DDB1: variants seen among roughly 807,000 people sequenced by gnomAD.
DDB1 encodes DNA damage-binding protein 1.
DDB1 carries 18 observed loss-of-function variants against 133.1 expected under a neutral mutation model. That is an observed-to-expected ratio of 0.14 (90% CI 0.09 to 0.20). The LOEUF is 0.20. DDB1 is among the 10% of genes least tolerant of loss of function. The pLI, the probability that DDB1 is intolerant of heterozygous loss-of-function variation, is 1.00. For missense variants in DDB1, 828 were observed against 1,459.2 expected (o/e 0.57, Z 7.05); for synonymous variants, 580 against 550.5 (o/e 1.05, Z -0.75).
intron 4 of DDB1, 135 bp downstream of exon 4, chr11:61,329,228 G>T: frequency 1.2e-6 from 1 of 813,850 alleles, no homozygotes; most frequent in Non-Finnish European, 2.1e-6. Context: ...TATTAATTGT[G>T]TTGTTCAAAA....
chr11:61,331,163 A>G (rs1274615690), intron 2 of DDB1, among the ~76,000 whole-genome samples: 3 of 152,198 alleles, frequency 2.0e-5, no homozygotes, highest in Admixed American at 1.3e-4. Flanking sequence ...TCCCTTCTAA[A>G]GAAGTCAACT....
At chr11:61,329,727 A>G (rs1193690522) in intron 3 of DDB1, 143 bp from the exon 4 acceptor site, 6 of 789,186 alleles carry the variant, frequency 7.6e-6, no homozygotes, top group Non-Finnish European at 1.2e-5. Flanking sequence ...TTGGAGCCCC[A>G]ATGTCAGTGC....
intron 21 of DDB1, among the ~76,000 whole-genome samples, chr11:61,304,304 G>A (rs143761717): frequency 2.6e-5 from 4 of 152,180 alleles, no homozygotes; most frequent in African/African-American, 9.6e-5. Flanking sequence ...AAAGGAAACA[G>A]TAATGTGGGT....
At chr11:61,331,517 C>A in intron 2 of DDB1, 26 bp downstream of exon 2, 1 of 1,607,560 alleles carries the variant, frequency 6.2e-7, no homozygotes, top group African/African-American at 1.3e-5. Context: ...TCCCCCTCCA[C>A]TGCTTGTCCC....
chr11:61,330,606 T>A (rs977910382), intron 2 of DDB1, among the ~76,000 whole-genome samples: 1 of 152,196 alleles, frequency 6.6e-6, no homozygotes. Context: ...GGTGGTGATT[T>A]GGATGAAAAC....
Position 61,300,086 on chromosome 11 carries a change from G to T in DDB1, c.*50C>A. The T allele has an allele frequency of 6.3e-7, 1 of 1,586,058 alleles. No individual in the cohort carries two copies. ...GATGGTGGAGAGGAGGGGGAGGGCAGCAGGGCAAAGCCTTTGGGGAGGGTC... is the reference window on the plus strand; with the variant it reads ...GATGGTGGAGAGGAGGGGGAGGGCATCAGGGCAAAGCCTTTGGGGAGGGTC... On this transcript the variant is annotated 3_prime_UTR_variant, in exon 27 of 27. Transcript: ENST00000301764.
chr11:61,323,142 G>C, intron 7 of DDB1, 48 bp from the exon 8 acceptor site: 1 of 1,484,922 alleles, frequency 6.7e-7, no homozygotes, highest in Non-Finnish European at 9.4e-7. Context: ...GACCCTACGT[G>C]GGATCCAGAT....
intron 5 of DDB1, chr11:61,326,092 G>C (rs1856265351): frequency 3.3e-6 from 1 of 301,430 alleles, no homozygotes; most frequent in Non-Finnish European, 6.4e-6. Context: ...CCCATTATCA[G>C]GGCTACCACT....
chr11:61,313,500 T>C lies in DDB1; in HGVS notation c.2068A>G (p.Ser690Gly). ...CPLNSDGYPDSLALANNSTLT... is the reference protein window; with the variant it reads ...CPLNSDGYPDGLALANNSTLT... ...TTAAATAAGGAAAAAGAGACTCACC[T>C]GTCAGGATAGCCATCTGAATTGAGG... Residue 690 changes from serine (S) to glycine (G), a missense_variant and splice_region_variant, in exon 16 of 27, where the codon AGC becomes GGC. Transcript: ENST00000301764. 2 of 1,613,776 alleles carry C rather than the reference T, an allele frequency of 1.2e-6. No homozygotes were observed. The highest frequency in any genetic ancestry group is 1.7e-6 in the Non-Finnish European group (2 of 1,179,712).
At chr11:61,331,848 G>A in intron 1 of DDB1, 157 bp from the exon 2 acceptor site, 1 of 963,268 alleles carries the variant, frequency 1.0e-6, no homozygotes. Flanking sequence ...GCCAAATCCG[G>A]CACCTCAAAG....
rs190815065 is a variant in DDB1 at position 61,309,223 on chromosome 11, G to A, written c.2567-146C>T. On this transcript the variant is annotated intron_variant, in intron 20 of 26. Transcript: ENST00000301764. ...CAACACAGACTCAGTATCTACTGGA[G>A]TTAATGACCACGTGAAGTATGAGCC... 3.8e-5 allele frequency: 27 copies of A among 703,454 alleles called. No homozygotes were observed. The Admixed American group carries it at 5.4e-4, about 14-fold the overall frequency. 43.6% of individuals were successfully genotyped at this position (703,454 alleles called of 1,614,324 possible).
chr11:61,314,505 A>G lies in DDB1; in HGVS notation c.1411-19T>C, dbSNP rs775100079. ...AAGTGATCTAGATAAACAGCAGATG[A>G]ACAAATGTCTCCAAGCATCTGCCAG... is the stretch of plus-strand genomic sequence containing the variant. On this transcript the variant is annotated intron_variant, in intron 12 of 26. Coordinates refer to ENST00000301764, the MANE Select transcript of DDB1 (RefSeq NM_001923.5). 3.1e-6 allele frequency: 5 copies of G among 1,597,588 alleles called. No homozygotes were observed. Among genetic ancestry groups the G allele is most frequent in the Non-Finnish European group, 4.3e-6 (5 of 1,171,954 alleles).
intron 21 of DDB1, among the ~76,000 whole-genome samples, chr11:61,307,953 G>A (rs575448369): frequency 6.6e-6 from 1 of 151,972 alleles, no homozygotes; most frequent in Non-Finnish European, 1.5e-5. Context: ...AGCAACCACC[G>A]AATGCATCCA....
At chr11:61,304,149 C>T in intron 21 of DDB1, 114 bp from the exon 22 acceptor site, 1 of 1,175,446 alleles carries the variant, frequency 8.5e-7, no homozygotes, top group Non-Finnish European at 1.2e-6. Context: ...CAATGCGGGA[C>T]AGGAAACGGT....
Position 61,300,832 on chromosome 11 carries a change from G to T in DDB1, c.3316C>A (p.Gln1106Lys). ...SFLDISRPKMQEVVANLQYDD... is the reference protein window; with the variant it reads ...SFLDISRPKMKEVVANLQYDD... ...ACCTGTAGGTTTGCCACCACCTCCT[G>T]CATCTTGGGGCGGCTAATATCCAGG... Residue 1106 changes from glutamine (Q) to lysine (K), a missense_variant, in exon 26 of 27, where the codon CAG becomes AAG. By Grantham distance (53) the Gln-to-Lys change is moderately conservative. This residue lies in a region of DDB1 where 116 missense variants were observed against 221.6 expected (regional missense o/e 0.52). Coordinates refer to ENST00000301764, the MANE Select transcript of DDB1 (RefSeq NM_001923.5). The T allele has an allele frequency of 6.2e-7, 1 of 1,614,210 alleles. No homozygotes were observed.
At chr11:61,305,559 A>G (rs1340124830) in intron 21 of DDB1, among the ~76,000 whole-genome samples, 1 of 152,158 alleles carries the variant, frequency 6.6e-6, no homozygotes, top group African/African-American at 2.4e-5. Flanking sequence ...TCACAGGGTA[A>G]AAGGTACCTC....
chr11:61,302,907 C>T, intron 23 of DDB1, 139 bp downstream of exon 23: 3 of 1,274,598 alleles, frequency 2.4e-6, no homozygotes, highest in African/African-American at 1.5e-5. Context: ...TTTCTGTCAC[C>T]TTTTATTCTC....
chr11:61,305,637 C>A (rs1025521337), intron 21 of DDB1, among the ~76,000 whole-genome samples: 3 of 152,138 alleles, frequency 2.0e-5, no homozygotes, highest in African/African-American at 7.2e-5. Flanking sequence ...AAGAGTGAAG[C>A]GGGGGGCCTC....
At chr11:61,329,688 C>T (rs1388088286) in intron 3 of DDB1, 104 bp from the exon 4 acceptor site, 2 of 1,077,298 alleles carry the variant, frequency 1.9e-6, no homozygotes, top group East Asian at 5.2e-5. Flanking sequence ...GGTATTAAAA[C>T]TAATGGATCT....
Sources: gnomAD v4.1 joint callset for allele counts (sites outside exome capture counted in the v4.1 genomes callset) on GRCh38, gnomAD v4.1.1 for gene constraint, gnomAD v4.1.1 regional missense constraint, MANE v1.5 for transcripts, NCBI Gene and HGNC (gene_info 2026-07-23, HGNC 2026-07-21) for gene names.